The following CAMK1D variants were observed in gnomAD, a reference collection of about 807,000 sequenced individuals.
CAMK1D encodes the protein calcium/calmodulin-dependent protein kinase type 1D.
A neutral mutation model predicts 47.7 loss-of-function variants in CAMK1D; 9 were observed. The ratio of observed to expected loss-of-function variants is 0.19; its 90% confidence interval spans 0.11 to 0.33. The LOEUF (loss-of-function observed/expected upper bound fraction) is 0.33, where lower values mean the gene tolerates loss of function less well. CAMK1D is among the 10% of genes least tolerant of loss of function. CAMK1D has a pLI of 1.00. For missense variants in CAMK1D, 291 were observed against 488.7 expected (o/e 0.60, Z 3.81); for synonymous variants, 184 against 184.9 (o/e 0.99, Z 0.04).
At position 12,765,702 on chromosome 10, in the gene CAMK1D, TCAGAGCGGA is replaced by T. The variant is rs942359786; in HGVS notation, c.439-3968_439-3960del. ...GATGCAGACACACAAGGAGTGAGCT[TCAGAGCGGA>T]CATTTAGTAGGTGAAAGAAAGAGAA... On this transcript the variant is annotated intron_variant, in intron 4 of 10. Coordinates refer to ENST00000619168, the MANE Select transcript of CAMK1D (RefSeq NM_153498.4). 1.7e-4 allele frequency among the ~76,000 whole-genome samples: 26 copies of T among 152,256 alleles called. 1 individual carries two copies. Among genetic ancestry groups the T allele is most frequent in the Admixed American group, 1.4e-3 (22 of 15,288 alleles).
intron 1 of CAMK1D, among the ~76,000 whole-genome samples, chr10:12,483,262 C>T (rs752901285): frequency 1.2e-4 from 19 of 152,230 alleles, no homozygotes; most frequent in Non-Finnish European, 2.1e-4. Flanking sequence ...AGTGCAGTGG[C>T]GTGATCATAG....
At chr10:12,634,218 C>T (rs1430460592) in intron 2 of CAMK1D, among the ~76,000 whole-genome samples, 1 of 152,200 alleles carries the variant, frequency 6.6e-6, no homozygotes, top group Admixed American at 6.5e-5. Context: ...GTCCTTGTGT[C>T]CTAGCATCGT....
chr10:12,406,610 C>G (rs1333816012), intron 1 of CAMK1D, among the ~76,000 whole-genome samples: 4 of 149,666 alleles, frequency 2.7e-5, no homozygotes, highest in African/African-American at 9.8e-5. Flanking sequence ...GTAGTCTCAG[C>G]TGCTTGGGAG....
chr10:12,400,081 A>G (rs757595402), intron 1 of CAMK1D, among the ~76,000 whole-genome samples: 3 of 152,210 alleles, frequency 2.0e-5, no homozygotes, highest in Non-Finnish European at 2.9e-5. Flanking sequence ...ACTACTGCAG[A>G]TGATGTGACG....
chr10:12,646,615 C>G (rs1412418895), intron 2 of CAMK1D, among the ~76,000 whole-genome samples: 8 of 152,084 alleles, frequency 5.3e-5, no homozygotes, highest in Non-Finnish European at 1.0e-4. Flanking sequence ...GACCCCTCCC[C>G]TAGGGTTTCC....
chr10:12,571,171 G>A (rs182031497), intron 2 of CAMK1D, among the ~76,000 whole-genome samples: 2 of 152,110 alleles, frequency 1.3e-5, no homozygotes, highest in East Asian at 3.9e-4. Flanking sequence ...ACAGGGCCAG[G>A]TGCAGTGGCT....
intron 1 of CAMK1D, among the ~76,000 whole-genome samples, chr10:12,393,604 A>T (rs1488932131): frequency 6.6e-6 from 1 of 152,164 alleles, no homozygotes; most frequent in Non-Finnish European, 1.5e-5. Flanking sequence ...CAGCTTTGGG[A>T]GACACTCCCT....
At chr10:12,552,799 C>T (rs534277724) in intron 1 of CAMK1D, among the ~76,000 whole-genome samples, 127 of 152,186 alleles carry the variant, frequency 8.3e-4, no homozygotes, top group Non-Finnish European at 1.4e-3. Flanking sequence ...TGGAGTGCAG[C>T]GACACGATCT....
chr10:12,493,473 C>T (rs1480220123), intron 1 of CAMK1D, among the ~76,000 whole-genome samples: 2 of 152,048 alleles, frequency 1.3e-5, no homozygotes, highest in South Asian at 2.1e-4. Context: ...TACACTCATG[C>T]CTGCAATTTT....
At chr10:12,373,927 T>C (rs903050366) in intron 1 of CAMK1D, among the ~76,000 whole-genome samples, 4 of 124,984 alleles carry the variant, frequency 3.2e-5, no homozygotes, top group African/African-American at 1.2e-4. Context: ...ATACAAAAAT[T>C]AGCTGGGCAA....
chr10:12,446,299 C>G (rs537980706), intron 1 of CAMK1D, among the ~76,000 whole-genome samples: 30 of 152,314 alleles, frequency 2.0e-4, no homozygotes, highest in African/African-American at 7.2e-4. Flanking sequence ...TGATGATATG[C>G]TAAACAAGGG....
At chr10:12,381,127 A>G (rs1368645438) in intron 1 of CAMK1D, among the ~76,000 whole-genome samples, 1 of 152,180 alleles carries the variant, frequency 6.6e-6, no homozygotes, top group African/African-American at 2.4e-5. Context: ...AGAACTGGTC[A>G]TGTCTTGAAA....
chr10:12,507,316 T>G (rs1384666255), intron 1 of CAMK1D, among the ~76,000 whole-genome samples: 2 of 152,210 alleles, frequency 1.3e-5, no homozygotes, highest in Non-Finnish European at 2.9e-5. Context: ...TAAGCTTGGA[T>G]GGTGCCTGCA....
intron 1 of CAMK1D, among the ~76,000 whole-genome samples, chr10:12,427,201 G>C (rs903507884): frequency 6.6e-6 from 1 of 152,180 alleles, no homozygotes; most frequent in Admixed American, 6.5e-5. Flanking sequence ...ACAAATTTTA[G>C]ATGGTGAAGA....
At chr10:12,491,755 C>T (rs2768432) in intron 1 of CAMK1D, among the ~76,000 whole-genome samples, 75,388 of 151,930 alleles carry the variant, frequency 0.5, 19,820 homozygotes, top group African/African-American at 0.69. Context: ...CCTGTAGCCA[C>T]GATTCTCAGT....
At chr10:12,659,511 TACC>T (rs1417022143) in intron 2 of CAMK1D, among the ~76,000 whole-genome samples, 2 of 152,210 alleles carry the variant, frequency 1.3e-5, no homozygotes, top group African/African-American at 4.8e-5. Context: ...TTACTTTTAA[TACC>T]ATCTGGCCAA....
In CAMK1D at chr10:12,713,460, C is replaced by T. The variant is rs139864603; in HGVS notation, c.299+46650C>T. Among the ~76,000 whole-genome samples the T allele has an allele frequency of 2.8e-4, 43 of 152,176 alleles. 1 individual carries two copies. The highest frequency in any genetic ancestry group is 1.0e-3 in the African/African-American group (42 of 41,450). Reference sequence around the variant, plus strand: ...GTGCCCATTGCTAACTGGCTTCTCACAGCAATGACATTTGAGGCCGGAATG... The same window carrying T: ...GTGCCCATTGCTAACTGGCTTCTCATAGCAATGACATTTGAGGCCGGAATG... On this transcript the variant is annotated intron_variant, in intron 3 of 10. Transcript: ENST00000619168.
At chr10:12,763,348 A>C (rs1458776461) in intron 4 of CAMK1D, among the ~76,000 whole-genome samples, 1 of 152,264 alleles carries the variant, frequency 6.6e-6, no homozygotes, top group Non-Finnish European at 1.5e-5. Flanking sequence ...AGCTTAGTGC[A>C]GCAATCGGAA....
intron 3 of CAMK1D, among the ~76,000 whole-genome samples, chr10:12,715,099 C>A (rs986224932): frequency 6.6e-6 from 1 of 152,170 alleles, no homozygotes; most frequent in African/African-American, 2.4e-5. Flanking sequence ...TCCCCTCAGA[C>A]GCCCCCTACA....
Sources: allele counts gnomAD v4.1 joint callset (sites outside exome capture counted in the v4.1 genomes callset), GRCh38; gene constraint gnomAD v4.1.1; transcripts MANE v1.5; gene names NCBI Gene and HGNC (gene_info 2026-07-23, HGNC 2026-07-21).